PROM1: variants seen among roughly 807,000 people sequenced by gnomAD.
PROM1 encodes the protein prominin-1.
In PROM1, 105 loss-of-function variants were observed where a neutral mutation model predicts 116.9. The ratio of observed to expected loss-of-function variants is 0.90; its 90% CI spans 0.77 to 1.06. The LOEUF (loss-of-function observed/expected upper bound fraction) is 1.06. Among genes scored for constraint, PROM1 ranks in the 50% least tolerant of loss-of-function variants. PROM1 has a pLI of 0.00. For synonymous variants in PROM1, 393 were observed against 387.0 expected, an observed-to-expected ratio of 1.02 and a Z score of -0.18; for missense variants, 1,122 against 1,045.2, an observed-to-expected ratio of 1.07 and a Z score of -1.01.
chr4:16,070,363 T>C (rs955519776), intron 2 of PROM1, among the ~76,000 whole-genome samples: 1 of 152,174 alleles, frequency 6.6e-6, no homozygotes, highest in Non-Finnish European at 1.5e-5. Context: ...AGGTTACTTG[T>C]TTTTTAGTGG....
chr4:16,058,106 G>A (rs867565534), intron 2 of PROM1, among the ~76,000 whole-genome samples: 3 of 152,144 alleles, frequency 2.0e-5, no homozygotes, highest in Non-Finnish European at 4.4e-5. Context: ...ATCAACAAAT[G>A]CCTCAACAAC....
At chr4:16,017,398 A>C (rs887075291) in intron 9 of PROM1, among the ~76,000 whole-genome samples, 4 of 152,250 alleles carry the variant, frequency 2.6e-5, no homozygotes, top group Non-Finnish European at 5.9e-5. Context: ...TAAGCTCTAA[A>C]AAACTGTTCA....
chr4:15,987,637 T>C (rs755923690), intron 20 of PROM1, 26 bp downstream of exon 20: 1 of 1,600,968 alleles, frequency 6.2e-7, no homozygotes, highest in Non-Finnish European at 8.5e-7. Context: ...CAAAACCCCA[T>C]GACAGAAAAC....
chr4:15,972,809 G>A (rs1714936786), intron 26 of PROM1, among the ~76,000 whole-genome samples: 2 of 152,310 alleles, frequency 1.3e-5, no homozygotes, highest in East Asian at 1.9e-4. Flanking sequence ...TGTCTCCAGA[G>A]TAGACATCAC....
At chr4:15,970,260 G>A (rs1162820269) in intron 27 of PROM1, among the ~76,000 whole-genome samples, 2 of 150,540 alleles carry the variant, frequency 1.3e-5, no homozygotes, top group Non-Finnish European at 3.0e-5. Context: ...CTGCCTCCCA[G>A]GTTGAAGCGA....
intron 3 of PROM1, among the ~76,000 whole-genome samples, chr4:16,036,257 C>T (rs1733914831): frequency 6.6e-6 from 1 of 152,168 alleles, no homozygotes; most frequent in South Asian, 2.1e-4. Flanking sequence ...TTTTAAATGT[C>T]CTTTCGTGGC....
chr4:16,019,615 G>C (rs1729298357), intron 8 of PROM1, among the ~76,000 whole-genome samples: 1 of 152,186 alleles, frequency 6.6e-6, no homozygotes, highest in African/African-American at 2.4e-5. Context: ...TAGGGAGGTA[G>C]GGAATTACAA....
rs113011345 is a variant in PROM1, at chr4:15,999,964, G to C, written c.1578+532C>G. On this transcript the variant is annotated intron_variant, in intron 14 of 27. Transcript: ENST00000447510. ...CCCCGGAGTCGGTGGGAGTTGGACT[G>C]AGAGGGAGAAAGCGAAGCTTGAATT... 5.3e-3 allele frequency among the ~76,000 whole-genome samples: 801 copies of C among 152,292 alleles called. 11 individuals are homozygous for C. The highest frequency in any genetic ancestry group is 0.018 in the African/African-American group (742 of 41,560).
At position 16,004,930 on chromosome 4, in the gene PROM1, CCTCTTT is replaced by C. The variant is rs1724973506; in HGVS notation, c.1454+1602_1454+1607del. 2.3e-5 allele frequency among the ~76,000 whole-genome samples: 2 copies of C among 85,642 alleles called. 1 individual carries two copies. Among genetic ancestry groups the C allele is most frequent in the South Asian group, 8.9e-4 (2 of 2,256 alleles). 56.2% of individuals were successfully genotyped at this position (85,642 alleles called of 152,430 possible). A position where few individuals can be genotyped will look rare whatever the true frequency, so the allele number is the denominator to read the frequency against. Reference sequence around the variant, plus strand: ...CCCTTCCTTCCTTCCTTCCTTCCTTCCTCTTTCTTTTTTTCTTTATTTCTCGCTCTC... The same window carrying C: ...CCCTTCCTTCCTTCCTTCCTTCCTTCCTTTTTTTCTTTATTTCTCGCTCTC... On this transcript the variant is annotated intron_variant, in intron 13 of 27. Transcript: ENST00000447510.
At chr4:16,004,831 T>C (rs200828546) in intron 13 of PROM1, among the ~76,000 whole-genome samples, 58 of 90,894 alleles carry the variant, frequency 6.4e-4, no homozygotes, top group African/African-American at 1.7e-3. Context: ...TTCTTTCTTT[T>C]TCTTCCTTCC....
Position 16,033,424 on chromosome 4 carries a change from A to G in PROM1, c.389T>C (p.Phe130Ser), listed in dbSNP as rs1560533404. ...IILMPLVGYF[F>S]CMCRCCNKCG... ...TTTGTTACAGCAACGACACATACAAAAGAAATACCCCACCAGAGGCATCAG... is the reference window on the plus strand; with the variant it reads ...TTTGTTACAGCAACGACACATACAAGAGAAATACCCCACCAGAGGCATCAG... Residue 130 changes from phenylalanine (F) to serine (S), a missense_variant, in exon 5 of 28, where the codon TTT becomes TCT. Coordinates refer to ENST00000447510, the MANE Select transcript of PROM1 (RefSeq NM_006017.3). The G allele has an allele frequency of 1.2e-6, 2 of 1,613,852 alleles. No individual in the cohort carries two copies. Among genetic ancestry groups the G allele is most frequent in the African/African-American group, 1.3e-5 (1 of 75,020 alleles).
At chr4:16,015,310 C>T (rs574094198) in intron 10 of PROM1, among the ~76,000 whole-genome samples, 154 of 126,970 alleles carry the variant, frequency 1.2e-3, no homozygotes, top group Non-Finnish European at 2.1e-3. Flanking sequence ...CATGCCACTG[C>T]ACTCCAGCCT....
chr4:16,077,902 C>A (rs534772640), intron 1 of PROM1, among the ~76,000 whole-genome samples: 1 of 152,332 alleles, frequency 6.6e-6, no homozygotes, highest in South Asian at 2.1e-4. Context: ...CTCCACCTCA[C>A]CCCGAATCCA....
chr4:16,071,219 C>T (rs760386772), intron 2 of PROM1, among the ~76,000 whole-genome samples: 2 of 152,196 alleles, frequency 1.3e-5, no homozygotes, highest in Non-Finnish European at 2.9e-5. Context: ...CTGAATTCCA[C>T]GTACACCCTG....
At chr4:16,044,473 T>A in intron 2 of PROM1, among the ~76,000 whole-genome samples, 1 of 152,216 alleles carries the variant, frequency 6.6e-6, no homozygotes, top group Non-Finnish European at 1.5e-5. Flanking sequence ...TAGTGTTAAG[T>A]GCCTCTCTGC....
chr4:15,974,124 C>CTCTCTT (rs1715460724), intron 26 of PROM1, among the ~76,000 whole-genome samples: 1 of 150,464 alleles, frequency 6.6e-6, no homozygotes, highest in African/African-American at 2.4e-5. Flanking sequence ...CTCTTTCTCT[C>CTCTCTT]TCTCTCTCTC....
At chr4:15,999,953 G>A (rs189139492) in intron 14 of PROM1, among the ~76,000 whole-genome samples, 16 of 152,314 alleles carry the variant, frequency 1.1e-4, no homozygotes, top group Non-Finnish European at 2.2e-4. Flanking sequence ...GGAGTCGGTG[G>A]GAGTTGGACT....
chr4:15,994,169 G>T, intron 15 of PROM1, 98 bp from the exon 16 acceptor site: 1 of 1,564,680 alleles, frequency 6.4e-7, no homozygotes. Flanking sequence ...GTTTCTCCTT[G>T]TTTAATCTGT....
intron 15 of PROM1, among the ~76,000 whole-genome samples, chr4:15,995,272 G>A (rs1332193165): frequency 6.6e-5 from 10 of 151,780 alleles, no homozygotes; most frequent in African/African-American, 2.4e-4. Flanking sequence ...TTGGAGGATG[G>A]AATGGGAACA....
Sources: gnomAD v4.1 joint callset for allele counts (sites outside exome capture counted in the v4.1 genomes callset) on GRCh38, gnomAD v4.1.1 for gene constraint, MANE v1.5 for transcripts, NCBI Gene and HGNC (gene_info 2026-07-23, HGNC 2026-07-21) for gene names.